CLDN14: variants seen among roughly 807,000 people sequenced by gnomAD.
CLDN14 encodes claudin 14, also known as claudin-14.
In CLDN14, 2 loss-of-function variants were observed where a neutral mutation model predicts 2.1. That is an observed-to-expected ratio of 0.96 (90% CI 0.39 to 3.01). The LOEUF (loss-of-function observed/expected upper bound fraction) is 3.01, where lower values mean the gene tolerates loss of function less well. Among genes scored for constraint, CLDN14 ranks in the 30% most tolerant of loss-of-function variants. CLDN14 has a pLI of 0.09. For synonymous variants in CLDN14, 136 were observed against 154.4 expected (o/e 0.88, Z 0.88); for missense variants, 298 against 328.0 (o/e 0.91, Z 0.71).
rs146597802 is a variant in CLDN14 at position 36,516,747 on chromosome 21, T to G, written c.-219-6247A>C. ...TTGAAGATTTTGTTCAATTCTTAGCTGGACACACAGTACATTGGTGAGCGA... is the reference window on the plus strand; with the variant it reads ...TTGAAGATTTTGTTCAATTCTTAGCGGGACACACAGTACATTGGTGAGCGA... On this transcript the variant is annotated intron_variant, in intron 1 of 2. Transcript: ENST00000342108. Among the ~76,000 whole-genome samples, 411 of 152,370 alleles carry G rather than the reference T, an allele frequency of 2.7e-3. 1 individual carries two copies. The highest frequency in any genetic ancestry group is 4.4e-3 in the Non-Finnish European group (301 of 68,026).
At chr21:36,507,772 A>G (rs933418106) in intron 2 of CLDN14, among the ~76,000 whole-genome samples, 5 of 152,152 alleles carry the variant, frequency 3.3e-5, no homozygotes, top group African/African-American at 4.8e-5. Context: ...TCAAAAAAAG[A>G]AAAAGGTTGC....
chr21:36,529,020 CTCATTGGTATTCA>C (rs1268402829), intron 1 of CLDN14, among the ~76,000 whole-genome samples: 1 of 152,208 alleles, frequency 6.6e-6, no homozygotes, highest in Non-Finnish European at 1.5e-5. Context: ...CTTTTATGCA[CTCATTGGTATTCA>C]TCCAGATGGC....
At chr21:36,503,519 CTCTT>C (rs1186700038) in intron 2 of CLDN14, among the ~76,000 whole-genome samples, 1 of 152,200 alleles carries the variant, frequency 6.6e-6, no homozygotes, top group Admixed American at 6.5e-5. Context: ...CACAAGCTCT[CTCTT>C]TGCCTGTCGC....
At chr21:36,556,705 G>A (rs1197975042) in intron 1 of CLDN14, among the ~76,000 whole-genome samples, 2 of 152,212 alleles carry the variant, frequency 1.3e-5, no homozygotes, top group Non-Finnish European at 1.5e-5. Context: ...CTGTCTTCTT[G>A]AAAAGTCTCA....
Position 36,498,286 on chromosome 21 carries a change from C to G in CLDN14, c.-82+12077G>C, listed in dbSNP as rs1166026047. 1.3e-5 allele frequency among the ~76,000 whole-genome samples: 2 copies of G among 152,152 alleles called. No homozygotes were observed. Among genetic ancestry groups the G allele is most frequent in the East Asian group, 1.9e-4 (1 of 5,194 alleles). On this transcript the variant is annotated intron_variant, in intron 2 of 2. Transcript: ENST00000342108. The surrounding 1 kb of genome is among the most constrained non-coding windows in gnomAD (Gnocchi z 4.9). ...AAAGTGCTGGGATTATAGACATGAG[C>G]CACTGCGCCCAGACAGGAAGATGCG...
At chr21:36,545,956 C>T (rs1401628041) in intron 1 of CLDN14, among the ~76,000 whole-genome samples, 1 of 152,180 alleles carries the variant, frequency 6.6e-6, no homozygotes, top group African/African-American at 2.4e-5. Flanking sequence ...GCCCTCCCTC[C>T]AGCAAGAGCG....
At chr21:36,525,681 G>T (rs1025089626) in intron 1 of CLDN14, among the ~76,000 whole-genome samples, 1 of 152,200 alleles carries the variant, frequency 6.6e-6, no homozygotes, top group Non-Finnish European at 1.5e-5. Flanking sequence ...AGCCACATGT[G>T]TGGTGTGCTG....
rs772699208 is a variant in CLDN14, at chr21:36,460,965, G to A, written c.*11C>T. Reference sequence around the variant, plus strand: ...CCACAGCAGCCCAGGGGAGAAGCAGGCTGTGGGGACTCACACGTAGTCGTT... The same window carrying A: ...CCACAGCAGCCCAGGGGAGAAGCAGACTGTGGGGACTCACACGTAGTCGTT... On this transcript the variant is annotated 3_prime_UTR_variant, in exon 2 of 2. Coordinates refer to ENST00000399135, the MANE Select transcript of CLDN14 (RefSeq NM_001146079.2). This position sits in a 1 kb window ranked among gnomAD's most constrained non-coding sequence, Gnocchi z 4.0. 1 of 1,611,308 alleles carries A rather than the reference G, an allele frequency of 6.2e-7. No homozygotes were observed. The highest frequency in any genetic ancestry group is 2.2e-5 in the East Asian group (1 of 44,854).
chr21:36,502,028 G>C (rs920610583), intron 2 of CLDN14, among the ~76,000 whole-genome samples: 4 of 151,980 alleles, frequency 2.6e-5, no homozygotes, highest in Non-Finnish European at 5.9e-5. Flanking sequence ...GTAGAGGTTG[G>C]AAGAGGCAGG....
At chr21:36,500,741 C>T (rs2087085527) in intron 2 of CLDN14, among the ~76,000 whole-genome samples, 1 of 152,216 alleles carries the variant, frequency 6.6e-6, no homozygotes, top group East Asian at 1.9e-4. Flanking sequence ...TGATACATTC[C>T]ATTCTTTAGC....
In CLDN14 at chr21:36,488,220, CCCTTCCTT is replaced by C. The variant is rs747508864; in HGVS notation, c.-82+22135_-82+22142del. Among the ~76,000 whole-genome samples the C allele has an allele frequency of 8.0e-3, 779 of 97,296 alleles. 14 individuals carry two copies. Among genetic ancestry groups the C allele is most frequent in the Non-Finnish European group, 9.4e-3 (452 of 48,102 alleles). The allele number at this position is 97,296 out of a possible 152,430, so 63.8% of individuals were successfully genotyped here. A position where few individuals can be genotyped will look rare whatever the true frequency, so the allele number is the denominator to read the frequency against. On this transcript the variant is annotated intron_variant, in intron 2 of 2. Transcript: ENST00000342108. The stretch of plus-strand genomic sequence containing the variant: ...TGCAAAAAGACAAATACTGTGATTC[CCCTTCCTT>C]CCTTCCTTCCTTCCTTCCTTCCTTC...
Position 36,539,365 on chromosome 21 carries a change from G to A in CLDN14, c.-219-28865C>T, listed in dbSNP as rs576982425. On this transcript the variant is annotated intron_variant, in intron 1 of 2. Transcript: ENST00000342108. ...GTGAGTGTGTGTGGAGTGAGTGTATGTGCGGAGTGAGTGTGTGTGGAGTGA... is the reference window on the plus strand; with the variant it reads ...GTGAGTGTGTGTGGAGTGAGTGTATATGCGGAGTGAGTGTGTGTGGAGTGA... Among the ~76,000 whole-genome samples, 987 of 149,590 alleles carry A rather than the reference G, an allele frequency of 6.6e-3. 8 individuals carry two copies. Among genetic ancestry groups the A allele is most frequent in the African/African-American group, 0.023 (931 of 40,210 alleles).
chr21:36,483,116 A>C (rs1444378708), upstream of CLDN14, among the ~76,000 whole-genome samples: 2 of 152,204 alleles, frequency 1.3e-5, no homozygotes, highest in Non-Finnish European at 2.9e-5. Context: ...GTGGGCTCCT[A>C]CCACTACGCT....
chr21:36,559,982 A>G (rs2087622636), intron 1 of CLDN14, among the ~76,000 whole-genome samples: 1 of 152,234 alleles, frequency 6.6e-6, no homozygotes, highest in South Asian at 2.1e-4. Flanking sequence ...AAAAGAATAA[A>G]TACAAATATC....
At chr21:36,539,388 TGAGTGTGTGTG>T (rs1310681861) in intron 1 of CLDN14, among the ~76,000 whole-genome samples, 4 of 119,908 alleles carry the variant, frequency 3.3e-5, no homozygotes, top group East Asian at 2.2e-4. Flanking sequence ...GTGTGTGGAG[TGAGTGTGTGTG>T]GAGTGTGTGT....
intron 1 of CLDN14, among the ~76,000 whole-genome samples, chr21:36,572,000 C>G (rs902538029): frequency 1.3e-5 from 2 of 152,278 alleles, no homozygotes; most frequent in East Asian, 3.9e-4. Context: ...GGACTCCCTC[C>G]CCACTCCGTG....
intron 1 of CLDN14, among the ~76,000 whole-genome samples, chr21:36,513,830 T>G (rs2087203510): frequency 6.6e-6 from 1 of 151,864 alleles, no homozygotes; most frequent in Admixed American, 6.6e-5. Context: ...GAGTTCTTTC[T>G]TTCTTTCTTT....
intron 1 of CLDN14, among the ~76,000 whole-genome samples, chr21:36,528,639 C>G (rs2087354561): frequency 6.6e-6 from 1 of 152,166 alleles, no homozygotes; most frequent in Non-Finnish European, 1.5e-5. Flanking sequence ...TATGTGGGTC[C>G]CTGAGTCTTC....
intron 2 of CLDN14, among the ~76,000 whole-genome samples, chr21:36,490,949 G>GAA (rs1555847332): frequency 2.7e-5 from 4 of 148,756 alleles, no homozygotes; most frequent in Non-Finnish European, 4.5e-5. Flanking sequence ...CAAGTGCACA[G>GAA]ACACACACAC....
Sources: allele counts gnomAD v4.1 joint callset (sites outside exome capture counted in the v4.1 genomes callset), GRCh38; gene constraint gnomAD v4.1.1; non-coding constraint Gnocchi (gnomAD v3.1); transcripts MANE v1.5; gene names NCBI Gene and HGNC (gene_info 2026-07-23, HGNC 2026-07-21).